The following COL24A1 variants were observed in gnomAD, a reference collection of about 807,000 sequenced individuals.
COL24A1 encodes collagen type XXIV alpha 1 chain, also known as collagen alpha-1(XXIV) chain.
In COL24A1, 224 loss-of-function variants were observed where a neutral mutation model predicts 253.9. The ratio of observed to expected loss-of-function variants is 0.88; its 90% CI spans 0.79 to 0.99. The LOEUF is 0.99. COL24A1 is among the 50% of genes least tolerant of loss of function. The pLI is 0.00. For missense variants in COL24A1, 2,131 were observed against 2,068.5 expected, an observed-to-expected ratio of 1.03 and a Z score of -0.59; for synonymous variants, 685 against 673.7, an observed-to-expected ratio of 1.02 and a Z score of -0.26.
chr1:85,980,775 G>A (rs548750722), intron 20 of COL24A1, among the ~76,000 whole-genome samples: 40 of 152,128 alleles, frequency 2.6e-4, no homozygotes, highest in African/African-American at 8.9e-4. Context: ...CAGGCATGGT[G>A]GTGGGCACCT....
chr1:86,150,866 C>A (rs1652665040), intron 1 of COL24A1, among the ~76,000 whole-genome samples: 1 of 152,076 alleles, frequency 6.6e-6, no homozygotes. Context: ...TGTTCTTTGT[C>A]CTTCTGGGTC....
intron 2 of COL24A1, among the ~76,000 whole-genome samples, chr1:86,137,331 C>T (rs536511971): frequency 6.6e-6 from 1 of 152,058 alleles, no homozygotes; most frequent in African/African-American, 2.4e-5. Flanking sequence ...TTCCATGTAC[C>T]AAGCACTATT....
At chr1:86,113,268 C>T (rs12075854) in intron 4 of COL24A1, among the ~76,000 whole-genome samples, 22,814 of 152,020 alleles carry the variant, frequency 0.15, 1,839 homozygotes, top group South Asian at 0.24. Flanking sequence ...TTTAAAAATC[C>T]GGAAACTTAA....
intron 24 of COL24A1, among the ~76,000 whole-genome samples, chr1:85,919,136 T>C (rs989174599): frequency 5.9e-5 from 9 of 152,204 alleles, no homozygotes; most frequent in African/African-American, 1.9e-4. Flanking sequence ...CGAATGCAGA[T>C]AACATGTAAC....
chr1:85,991,580 T>C (rs1558924354), intron 19 of COL24A1, among the ~76,000 whole-genome samples: 1 of 152,212 alleles, frequency 6.6e-6, no homozygotes, highest in Non-Finnish European at 1.5e-5. Context: ...TTGTATAGTT[T>C]TATGTGTCTA....
intron 19 of COL24A1, among the ~76,000 whole-genome samples, chr1:85,999,754 A>G (rs1005305440): frequency 2.0e-5 from 3 of 152,222 alleles, no homozygotes; most frequent in Non-Finnish European, 2.9e-5. Flanking sequence ...ATCTACAATG[A>G]GTATAAAAGG....
chr1:85,830,793 C>G (rs184375962), intron 43 of COL24A1, among the ~76,000 whole-genome samples: 1 of 152,116 alleles, frequency 6.6e-6, no homozygotes, highest in Non-Finnish European at 1.5e-5. Flanking sequence ...GCGCACAGTG[C>G]GTGCACCCAC....
At chr1:85,908,516 C>T in intron 27 of COL24A1, 82 bp downstream of exon 27, 1 of 791,764 alleles carries the variant, frequency 1.3e-6, no homozygotes, top group Non-Finnish European at 2.0e-6. Flanking sequence ...TGAATAAAAA[C>T]CAACAATAAA....
chr1:85,816,674 C>T (rs1673072207), intron 47 of COL24A1, 114 bp downstream of exon 47: 1 of 803,166 alleles, frequency 1.2e-6, no homozygotes, highest in African/African-American at 1.7e-5. Flanking sequence ...GAGAAATGAA[C>T]TGGCTTAATC....
intron 11 of COL24A1, among the ~76,000 whole-genome samples, chr1:86,048,974 A>G (rs1244944110): frequency 1.3e-5 from 2 of 152,228 alleles, no homozygotes; most frequent in African/African-American, 4.8e-5. Flanking sequence ...TCAAAGGATC[A>G]GAAAAGGATT....
At chr1:85,843,543 A>G (rs1236380433) in intron 39 of COL24A1, among the ~76,000 whole-genome samples, 1 of 152,222 alleles carries the variant, frequency 6.6e-6, no homozygotes, top group Non-Finnish European at 1.5e-5. Flanking sequence ...GAAAATAAGT[A>G]AACATCATCA....
At chr1:86,132,142 T>G (rs932611126) in intron 2 of COL24A1, among the ~76,000 whole-genome samples, 2 of 152,250 alleles carry the variant, frequency 1.3e-5, no homozygotes, top group African/African-American at 4.8e-5. Flanking sequence ...TTCATGTGTC[T>G]GTTGGCTGCA....
intron 20 of COL24A1, among the ~76,000 whole-genome samples, 199 bp downstream of exon 20, chr1:85,987,402 C>A (rs1693810626): frequency 6.6e-6 from 1 of 151,852 alleles, no homozygotes; most frequent in Non-Finnish European, 1.5e-5. Flanking sequence ...CAAATATTGT[C>A]ACCCTTAATC....
At chr1:85,762,130 G>A (rs1184699961) in intron 53 of COL24A1, among the ~76,000 whole-genome samples, 1 of 152,128 alleles carries the variant, frequency 6.6e-6, no homozygotes, top group Non-Finnish European at 1.5e-5. Flanking sequence ...ATTTTTCAAA[G>A]CGAAGCAATA....
chr1:86,140,895 T>TA (rs1011562520), intron 2 of COL24A1, among the ~76,000 whole-genome samples: 7 of 152,304 alleles, frequency 4.6e-5, no homozygotes, highest in African/African-American at 1.4e-4. Flanking sequence ...AACTTGGACA[T>TA]AAAAAATATA....
chr1:85,786,065 C>T (rs1021854578), intron 48 of COL24A1, among the ~76,000 whole-genome samples: 9 of 152,116 alleles, frequency 5.9e-5, no homozygotes, highest in African/African-American at 1.9e-4. Context: ...GAGGAGAAGA[C>T]AGATGACAGA....
Position 85,734,836 on chromosome 1 carries a change from T to C in COL24A1, c.4911A>G (p.Gly1637=). 1 of 1,614,198 alleles carries C rather than the reference T, an allele frequency of 6.2e-7. No homozygotes were observed. The highest frequency in any genetic ancestry group is 8.5e-7 in the Non-Finnish European group (1 of 1,180,034). ...RWTSTQTSGP[G]LPIGFKGWNG... is the part of the protein sequence containing the mutation. The stretch of plus-strand genomic sequence containing the variant: ...TCCATCCCTTGAAACCAATAGGCAA[T>C]CCTGGGCCACTTGTTTGTGTGCTTG... The change falls in exon 59 of 60, where the codon GGA becomes GGG. Residue 1637 remains glycine, a synonymous_variant. Transcript: ENST00000370571.
intron 58 of COL24A1, chr1:85,736,251 T>G (rs759537572): frequency 2.2e-6 from 1 of 454,832 alleles, no homozygotes; most frequent in South Asian, 1.6e-5. Context: ...CCAAGTCTAC[T>G]GTTCATCCCA....
In COL24A1 at chr1:85,889,599, C is replaced by T. The variant is rs377514310; in HGVS notation, c.2937G>A (p.Leu979=). The T allele has an allele frequency of 1.3e-5, 21 of 1,613,118 alleles. No individual in the cohort carries two copies. The South Asian group carries it at 1.3e-4, about 10-fold the overall frequency. ...GFQGKPGLQG[L]PGSTGDRGLP... Reference sequence around the variant, plus strand: ...GTCCTCTGTCACCTGTACTTCCAGGCAATCCCTGTAAACCCTGGACAAATA... The same window carrying T: ...GTCCTCTGTCACCTGTACTTCCAGGTAATCCCTGTAAACCCTGGACAAATA... The change falls in exon 32 of 60, where the codon TTG becomes TTA. Residue 979 remains leucine, a synonymous_variant. Transcript: ENST00000370571.
Sources: allele counts gnomAD v4.1 joint callset (sites outside exome capture counted in the v4.1 genomes callset), GRCh38; gene constraint gnomAD v4.1.1; transcripts MANE v1.5; gene names NCBI Gene and HGNC (gene_info 2026-07-23, HGNC 2026-07-21).